Variants in CBR3 observed in about 807,000 individuals in gnomAD.
CBR3 encodes the protein carbonyl reductase 3.
In CBR3, 14 loss-of-function variants were observed where a neutral mutation model predicts 11.6. The ratio of observed to expected loss-of-function variants is 1.20; its 90% CI spans 0.79 to 1.88. The LOEUF is 1.88. Among genes scored for constraint, CBR3 ranks in the 40% most tolerant of loss-of-function variants. The pLI is 0.00. For synonymous variants in CBR3, 125 were observed against 145.6 expected, an observed-to-expected ratio of 0.86 and a Z score of 1.02; for missense variants, 308 against 357.3, an observed-to-expected ratio of 0.86 and a Z score of 1.11.
At chr21:36,144,467 TAAAA>T (rs2065739086) in intron 2 of CBR3, among the ~76,000 whole-genome samples, 1 of 144,458 alleles carries the variant, frequency 6.9e-6, no homozygotes, top group African/African-American at 2.6e-5. Context: ...CAAAACAAAA[TAAAA>T]AATTTTTAGG....
chr21:36,139,060 T>C (rs894705545), intron 2 of CBR3, among the ~76,000 whole-genome samples: 1 of 152,098 alleles, frequency 6.6e-6, no homozygotes, highest in African/African-American at 2.4e-5. Context: ...ATTTTCTTTA[T>C]TAGGAAATGT....
At position 36,146,246 on chromosome 21, in the gene CBR3, C is replaced by T. The variant is rs769761570; in HGVS notation, c.568C>T (p.Pro190Ser). 6 of 1,614,120 alleles carry T rather than the reference C, an allele frequency of 3.7e-6. No homozygotes were observed. The highest frequency in any genetic ancestry group is 1.7e-5 in the Admixed American group (1 of 60,004). Residue 190 changes from proline (P) to serine (S), a missense_variant, in exon 3 of 3, where the codon CCC becomes TCC. By Grantham distance (74) the Pro-to-Ser change is moderately conservative (BLOSUM62 -1). Coordinates refer to ENST00000290354, the MANE Select transcript of CBR3 (RefSeq NM_001236.4). ...KNEVHEREGW[P>S]NSPYGVSKLG... ...TGAGGTGCATGAGAGGGAAGGCTGGCCCAACTCACCTTATGGGGTGTCCAA... is the reference window on the plus strand; with the variant it reads ...TGAGGTGCATGAGAGGGAAGGCTGGTCCAACTCACCTTATGGGGTGTCCAA...
At chr21:36,139,296 C>T (rs996336630) in intron 2 of CBR3, among the ~76,000 whole-genome samples, 2 of 151,738 alleles carry the variant, frequency 1.3e-5, no homozygotes, top group Admixed American at 1.3e-4. Context: ...TACAGGGAAG[C>T]TTGCTTCCTT....
In CBR3 at chr21:36,135,088, T is replaced by C. The variant is rs1214079240; in HGVS notation, c.-105T>C. ...CGCAGCACTGGATCCCAGAACTTAG[T>C]CTGCGCGGCGGCATTGACACTAGCT... On this transcript the variant is annotated 5_prime_UTR_variant, in exon 1 of 3. Coordinates refer to ENST00000290354, the MANE Select transcript of CBR3 (RefSeq NM_001236.4). 6.1e-6 allele frequency: 7 copies of C among 1,151,758 alleles called. No homozygotes were observed. Among genetic ancestry groups the C allele is most frequent in the African/African-American group, 1.6e-5 (1 of 60,934 alleles). The allele number at this position is 1,151,758 out of a possible 1,614,324, so 71.3% of individuals were successfully genotyped here. A position where few individuals can be genotyped will look rare whatever the true frequency, so the allele number is the denominator to read the frequency against.
chr21:36,143,614 T>C (rs2065730447), intron 2 of CBR3, among the ~76,000 whole-genome samples: 3 of 152,128 alleles, frequency 2.0e-5, no homozygotes. Flanking sequence ...ATGCAGTGGC[T>C]CACGCCTATA....
intron 2 of CBR3, among the ~76,000 whole-genome samples, chr21:36,141,007 C>CAAAAAAAAAAAA (rs1217520274): frequency 1.8e-5 from 1 of 56,178 alleles, no homozygotes. Flanking sequence ...CACTCCATCT[C>CAAAAAAAAAAAA]AAAAAAAAAA....
At chr21:36,139,390 T>C (rs889757450) in intron 2 of CBR3, among the ~76,000 whole-genome samples, 3 of 149,480 alleles carry the variant, frequency 2.0e-5, no homozygotes, top group African/African-American at 2.5e-5. Flanking sequence ...TTCTTTTTTT[T>C]TTTTTTTTTT....
chr21:36,142,019 C>G (rs1541320), intron 2 of CBR3: 1 of 511,418 alleles, frequency 2.0e-6, no homozygotes, highest in Non-Finnish European at 2.5e-6. Flanking sequence ...TGTGACTCTC[C>G]TCATGAGAAC....
intron 2 of CBR3, among the ~76,000 whole-genome samples, chr21:36,139,813 G>A (rs912130307): frequency 1.3e-5 from 2 of 151,392 alleles, no homozygotes; most frequent in Non-Finnish European, 2.9e-5. Context: ...TTTAAGACCA[G>A]GCTGAAAAAT....
At chr21:36,136,577 TGA>T (rs1356971171) in intron 1 of CBR3, among the ~76,000 whole-genome samples, 6 of 152,112 alleles carry the variant, frequency 3.9e-5, no homozygotes, top group African/African-American at 1.4e-4. Flanking sequence ...AGCCATGGGC[TGA>T]GAGATTGGTG....
chr21:36,141,777 T>C, intron 2 of CBR3: 1 of 231,332 alleles, frequency 4.3e-6, no homozygotes, highest in Non-Finnish European at 7.1e-6. Context: ...AGGCTGACTG[T>C]CAGCCTCTGG....
chr21:36,136,308 G>GAAAA (rs3028091), intron 1 of CBR3, among the ~76,000 whole-genome samples: 2 of 140,242 alleles, frequency 1.4e-5, no homozygotes, highest in Non-Finnish European at 1.5e-5. Context: ...GACTCCGTAT[G>GAAAA]AAAAAAAAAA....
At chr21:36,144,929 C>T in intron 2 of CBR3, 1 of 152,384 alleles carries the variant, frequency 6.6e-6, no homozygotes, top group Non-Finnish European at 1.5e-5. Context: ...CATGGCAAAA[C>T]CCCATCTCTA....
At chr21:36,136,932 G>A (rs2065663968) in intron 1 of CBR3, among the ~76,000 whole-genome samples, 1 of 149,944 alleles carries the variant, frequency 6.7e-6, no homozygotes, top group South Asian at 2.1e-4. Context: ...GGAGGCTCAG[G>A]CACAAGAACC....
Position 36,135,116 on chromosome 21 carries a change from G to A in CBR3, c.-77G>A. The A allele has an allele frequency of 7.4e-7, 1 of 1,349,716 alleles. No individual in the cohort carries two copies. The highest frequency in any genetic ancestry group is 9.6e-7 in the Non-Finnish European group (1 of 1,037,660). The allele number at this position is 1,349,716 out of a possible 1,614,324, so 83.6% of individuals were successfully genotyped here. On this transcript the variant is annotated 5_prime_UTR_variant, in exon 1 of 3. Coordinates refer to ENST00000290354, the MANE Select transcript of CBR3 (RefSeq NM_001236.4). ...GCGCGGCGGCATTGACACTAGCTGG[G>A]CTCCTCGGGGCGCGCCCCAGGTGGT...
intron 2 of CBR3, among the ~76,000 whole-genome samples, chr21:36,142,439 A>AAAAAAAAAAAACAAC (rs774406466): frequency 6.8e-6 from 1 of 147,646 alleles, no homozygotes; most frequent in Non-Finnish European, 1.5e-5. Flanking sequence ...CTCAAAAAAA[A>AAAAAAAAAAAACAAC]AAAAAAAAAC....
chr21:36,143,305 G>C (rs898282634), intron 2 of CBR3, among the ~76,000 whole-genome samples: 9 of 135,042 alleles, frequency 6.7e-5, no homozygotes, highest in African/African-American at 2.4e-4. Context: ...TCATCTCAAA[G>C]AAAAAAAAAA....
In CBR3 at chr21:36,135,234, C is replaced by G. The variant is rs1376665722; in HGVS notation, c.42C>G (p.Asn14Lys). Residue 14 changes from asparagine (N) to lysine (K), a missense_variant, in exon 1 of 3, where the codon AAC (asparagine) becomes AAG (lysine). Transcript: ENST00000290354. ...CSRVALVTGA[N>K]RGIGLAIARE... is the part of the protein sequence containing the mutation. Reference sequence around the variant, plus strand: ...GCGTGGCGCTGGTGACCGGGGCCAACAGGGGCATCGGCTTGGCCATCGCGC... The same window carrying G: ...GCGTGGCGCTGGTGACCGGGGCCAAGAGGGGCATCGGCTTGGCCATCGCGC... 1.9e-6 allele frequency: 3 copies of G among 1,560,668 alleles called. No homozygotes were observed. The highest frequency in any genetic ancestry group is 2.6e-6 in the Non-Finnish European group (3 of 1,154,336).
At chr21:36,145,977 A>AC (rs1306546620) in intron 2 of CBR3, 99 bp from the exon 3 acceptor site, 2 of 820,168 alleles carry the variant, frequency 2.4e-6, no homozygotes, top group South Asian at 1.9e-5. Context: ...AAAAAAAAAA[A>AC]AAAACCTGCA....
Sources: gnomAD v4.1 joint callset for allele counts (sites outside exome capture counted in the v4.1 genomes callset) on GRCh38, gnomAD v4.1.1 for gene constraint, MANE v1.5 for transcripts, NCBI Gene and HGNC (gene_info 2026-07-23, HGNC 2026-07-21) for gene names.